APBB2: variants seen among roughly 807,000 people sequenced by gnomAD.
The protein encoded by APBB2 is Fe65-like 1.
A neutral mutation model predicts 82.5 loss-of-function variants in APBB2; 38 were observed. The observed-to-expected ratio is 0.46, with a 90% CI of 0.36 to 0.60. APBB2 has a LOEUF of 0.60. APBB2 is among the 20% of genes least tolerant of loss of function. APBB2 has a pLI of 0.00. For synonymous variants in APBB2, 341 were observed against 368.2 expected (o/e 0.93, Z 0.85); for missense variants, 772 against 972.3 (o/e 0.79, Z 2.74).
intron 5 of APBB2, among the ~76,000 whole-genome samples, chr4:41,025,403 C>T (rs1033527204): frequency 4.0e-5 from 6 of 151,708 alleles, no homozygotes; most frequent in African/African-American, 9.7e-5. Context: ...TATATGCTGT[C>T]GGTGGGAGTG....
At chr4:40,894,581 C>T (rs1018480880) in intron 10 of APBB2, among the ~76,000 whole-genome samples, 3 of 152,152 alleles carry the variant, frequency 2.0e-5, no homozygotes, top group African/African-American at 7.2e-5. Flanking sequence ...AGTGCCAGGT[C>T]CTATAGCGTT....
Position 40,882,968 on chromosome 4 carries a change from G to C in APBB2, c.1529+7396C>G, listed in dbSNP as rs115481656. Among the ~76,000 whole-genome samples, 367 of 152,280 alleles carry C rather than the reference G, an allele frequency of 2.4e-3. 3 individuals are homozygous for C. The highest frequency in any genetic ancestry group is 8.2e-3 in the African/African-American group (341 of 41,544). ...GTGAACGGAATGTGAGTGTACCTGA[G>C]GTACGCAAGTTCCAGGTGTGTTTAA... is the stretch of plus-strand genomic sequence containing the variant. On this transcript the variant is annotated intron_variant, in intron 12 of 17. Transcript: ENST00000508593.
At chr4:40,960,983 G>A (rs1021452533) in intron 6 of APBB2, among the ~76,000 whole-genome samples, 9 of 150,910 alleles carry the variant, frequency 6.0e-5, no homozygotes, top group Non-Finnish European at 8.8e-5. Flanking sequence ...AAAAGCAGTC[G>A]GGCATACTTT....
chr4:41,021,066 G>A (rs111959568), intron 5 of APBB2, among the ~76,000 whole-genome samples: 6 of 152,060 alleles, frequency 3.9e-5, no homozygotes, highest in African/African-American at 1.4e-4. Context: ...ACTTGCCTTC[G>A]GGCCCTGTAT....
At chr4:41,007,562 T>C (rs1807101905) in intron 6 of APBB2, among the ~76,000 whole-genome samples, 1 of 152,174 alleles carries the variant, frequency 6.6e-6, no homozygotes, top group Admixed American at 6.5e-5. Flanking sequence ...AAAAGAATGT[T>C]TGTGGAAGAC....
intron 4 of APBB2, among the ~76,000 whole-genome samples, chr4:41,037,059 C>T (rs963828778): frequency 7.9e-5 from 12 of 152,136 alleles, no homozygotes; most frequent in South Asian, 4.1e-4. Context: ...GTAGCGCAAC[C>T]GACAACTGAA....
rs1744549451 is a variant in APBB2, at chr4:40,812,163, A to AATC, written c.*3926_*3928dup. ...TACCAGGCAGAAATATGTAGTAACT[A>AATC]ATCAAAGCAAAATGCTCCATTACTA... On this transcript the variant is annotated 3_prime_UTR_variant, in exon 18 of 18. Coordinates refer to ENST00000508593, the MANE Select transcript of APBB2 (RefSeq NM_004307.2). 1 of 152,352 alleles carries AATC rather than the reference A, an allele frequency of 6.6e-6. No individual in the cohort carries two copies. Among genetic ancestry groups the AATC allele is most frequent in the Admixed American group, 6.5e-5 (1 of 15,308 alleles). The allele number at this position is 152,352 out of a possible 1,614,324, so 9.4% of individuals were successfully genotyped here. A position where few individuals can be genotyped will look rare whatever the true frequency, so the allele number is the denominator to read the frequency against.
intron 10 of APBB2, among the ~76,000 whole-genome samples, chr4:40,912,535 C>T (rs1778833956): frequency 6.6e-6 from 1 of 151,646 alleles, no homozygotes; most frequent in African/African-American, 2.4e-5. Context: ...TGAGATCGTG[C>T]CACTGCACTC....
chr4:41,071,555 C>A (rs970692944), intron 3 of APBB2, among the ~76,000 whole-genome samples: 1 of 152,016 alleles, frequency 6.6e-6, no homozygotes, highest in Non-Finnish European at 1.5e-5. Flanking sequence ...GTGGCGGGCA[C>A]CTGTAATCTC....
At position 41,014,294 on chromosome 4, in the gene APBB2, G is replaced by A. The variant is rs375993026; in HGVS notation, c.124C>T (p.Arg42Ter). Residue 42 changes from arginine to a stop codon, truncating the protein, a stop_gained, in exon 6 of 18, where the codon CGA becomes TGA. Coordinates refer to ENST00000508593, the MANE Select transcript of APBB2 (RefSeq NM_004307.2). LOFTEE classifies it high-confidence loss of function. ...PATPPNTLNL[R>*]SSHNELLNAE... ...TTCAACAGTTCATTGTGGGAGGATCGGAGGTTAAGGGTGTTTGGTGGTGTG... is the reference window on the plus strand; with the variant it reads ...TTCAACAGTTCATTGTGGGAGGATCAGAGGTTAAGGGTGTTTGGTGGTGTG... The A allele has an allele frequency of 1.1e-5, 17 of 1,614,018 alleles. No individual in the cohort carries two copies. The highest frequency in any genetic ancestry group is 6.7e-5 in the African/African-American group (5 of 74,894).
intron 10 of APBB2, among the ~76,000 whole-genome samples, chr4:40,907,359 A>G (rs1276833395): frequency 2.1e-5 from 1 of 48,572 alleles, no homozygotes; most frequent in Non-Finnish European, 3.8e-5. Flanking sequence ...ATATATATAT[A>G]TATATATATA....
At chr4:40,928,049 T>C (rs952583234) in intron 10 of APBB2, among the ~76,000 whole-genome samples, 1 of 152,176 alleles carries the variant, frequency 6.6e-6, no homozygotes, top group Non-Finnish European at 1.5e-5. Flanking sequence ...CAGCGGGTGA[T>C]GGGGATTGAG....
intron 12 of APBB2, among the ~76,000 whole-genome samples, chr4:40,835,838 A>T (rs1361092425): frequency 1.3e-5 from 2 of 152,202 alleles, no homozygotes; most frequent in Non-Finnish European, 1.5e-5. Flanking sequence ...AGGGCAGAGG[A>T]GACAGATGGA....
At chr4:41,099,677 A>G (rs1331455302) in intron 3 of APBB2, among the ~76,000 whole-genome samples, 1 of 152,214 alleles carries the variant, frequency 6.6e-6, no homozygotes, top group African/African-American at 2.4e-5. Flanking sequence ...AACTAAAGCA[A>G]AGTTCTGTTC....
intron 12 of APBB2, among the ~76,000 whole-genome samples, chr4:40,847,272 G>A (rs1235550270): frequency 6.6e-6 from 1 of 152,062 alleles, no homozygotes; most frequent in Non-Finnish European, 1.5e-5. Context: ...AGACCAGCCT[G>A]CCAACATGAC....
intron 15 of APBB2, among the ~76,000 whole-genome samples, chr4:40,824,966 A>G (rs530536219): frequency 6.6e-6 from 1 of 152,266 alleles, no homozygotes; most frequent in East Asian, 1.9e-4. Flanking sequence ...GTAATCACAC[A>G]GTATGCAGTC....
chr4:40,857,772 G>T (rs1196886718), intron 12 of APBB2, among the ~76,000 whole-genome samples: 1 of 133,504 alleles, frequency 7.5e-6, no homozygotes, highest in African/African-American at 2.7e-5. Flanking sequence ...ACCAGGCTGG[G>T]TTTCTACGAT....
chr4:41,069,661 T>G (rs1253628740), intron 3 of APBB2, among the ~76,000 whole-genome samples: 1 of 152,220 alleles, frequency 6.6e-6, no homozygotes, highest in Non-Finnish European at 1.5e-5. Context: ...GCATAGGATG[T>G]AGTAAGCAGT....
rs145942885 is a variant in APBB2, at chr4:41,175,729, T to C, written c.-416-32587A>G. Among the ~76,000 whole-genome samples the C allele has an allele frequency of 3.8e-3, 577 of 152,340 alleles. 3 individuals carry two copies. The highest frequency in any genetic ancestry group is 0.013 in the African/African-American group (532 of 41,588). ...ATGTTTCAACGAAAATGAAGTTGAA[T>C]GTTTGAATGATTTGGAATAATTCAA... On this transcript the variant is annotated intron_variant, in intron 1 of 17. Coordinates refer to ENST00000508593, the MANE Select transcript of APBB2 (RefSeq NM_004307.2).
Sources: gnomAD v4.1 joint callset for allele counts (sites outside exome capture counted in the v4.1 genomes callset) on GRCh38, gnomAD v4.1.1 for gene constraint, MANE v1.5 for transcripts, NCBI Gene and HGNC (gene_info 2026-07-23, HGNC 2026-07-21) for gene names.